The following ABR variants were observed in gnomAD, a reference collection of about 807,000 sequenced individuals.
ABR encodes the protein active breakpoint cluster region-related protein.
In ABR, 35 loss-of-function variants were observed where a neutral mutation model predicts 107.2. The observed-to-expected ratio is 0.33, with a 90% CI of 0.25 to 0.43. The LOEUF (loss-of-function observed/expected upper bound fraction) is 0.43, where lower values mean the gene tolerates loss of function less well. Among genes scored for constraint, ABR ranks in the 20% least tolerant of loss-of-function variants. ABR has a pLI of 1.00. For synonymous variants in ABR, 498 were observed against 462.0 expected (o/e 1.08, Z -1.00); for missense variants, 815 against 1,115.2 (o/e 0.73, Z 3.83).
At chr17:1,120,359 C>T (rs12949526) in intron 2 of ABR, among the ~76,000 whole-genome samples, 98,288 of 151,828 alleles carry the variant, frequency 0.65, 32,225 homozygotes, top group East Asian at 0.88. Context: ...GCAACCTCTG[C>T]CCCCACTGGG....
At chr17:1,182,776 C>T (rs1027309959), upstream of ABR, among the ~76,000 whole-genome samples, 22 of 152,166 alleles carry the variant, frequency 1.4e-4, no homozygotes, top group African/African-American at 5.1e-4. Flanking sequence ...TTAGAGACCA[C>T]CCTCTGGGAA....
intron 16 of ABR, among the ~76,000 whole-genome samples, chr17:1,045,812 AC>A (rs2031499229): frequency 6.6e-6 from 1 of 151,726 alleles, no homozygotes; most frequent in African/African-American, 2.4e-5. Flanking sequence ...GGAGGCCAGG[AC>A]CCCCTCCTGG....
In ABR at chr17:1,154,608, T is replaced by G. The variant is rs1055381570; in HGVS notation, c.61+25059A>C. 8.5e-5 allele frequency: 13 copies of G among 152,250 alleles called. No individual in the cohort carries two copies. Among genetic ancestry groups the G allele is most frequent in the African/African-American group, 3.1e-4 (13 of 41,366 alleles). 9.4% of individuals were successfully genotyped at this position (152,250 alleles called of 1,614,324 possible). On this transcript the variant is annotated intron_variant, in intron 1 of 22. Transcript: ENST00000302538. This position sits in a 1 kb window ranked among gnomAD's most constrained non-coding sequence, Gnocchi z 4.0. ...CAAGCATCCACATCCCCCAATTTCA[T>G]GGAACGAGCACACAGAAAGGATGGG...
chr17:1,064,584 G>A, intron 10 of ABR, among the ~76,000 whole-genome samples: 1 of 115,840 alleles, frequency 8.6e-6, no homozygotes, highest in Non-Finnish European at 1.8e-5. Flanking sequence ...AGACACTGCT[G>A]TTATGTGAAC....
chr17:1,096,954 G>A (rs1259074675), intron 3 of ABR, among the ~76,000 whole-genome samples: 1 of 150,430 alleles, frequency 6.6e-6, no homozygotes, highest in East Asian at 2.0e-4. Context: ...GCCCGGGGAG[G>A]AGAGAGCCGG....
In ABR at chr17:1,096,976, A is replaced by C. The variant is rs935509346; in HGVS notation, c.345+3661T>G. 3.3e-5 allele frequency among the ~76,000 whole-genome samples: 5 copies of C among 150,250 alleles called. No homozygotes were observed. The East Asian group carries it at 9.9e-4, about 30-fold the overall frequency. On this transcript the variant is annotated intron_variant, in intron 3 of 22. Coordinates refer to ENST00000302538, the MANE Select transcript of ABR (RefSeq NM_021962.5). ...GAGGAGAGAGCCGGGGAAGGGGGGA[A>C]CCTGCCCCGGGAGGAGACAGCTGGG...
At chr17:1,169,984 GTTTGTGTT>G (rs2041647202) in intron 1 of ABR, among the ~76,000 whole-genome samples, 2 of 127,428 alleles carry the variant, frequency 1.6e-5, no homozygotes, top group African/African-American at 3.2e-5. Context: ...GTGTGTTTGT[GTTTGTGTT>G]TGTGTGTGTG....
At chr17:1,055,111 C>A (rs574259767) in intron 14 of ABR, among the ~76,000 whole-genome samples, 1 of 152,292 alleles carries the variant, frequency 6.6e-6, no homozygotes, top group Non-Finnish European at 1.5e-5. Flanking sequence ...CAGCTCACGC[C>A]TGTAATCTCA....
intron 16 of ABR, among the ~76,000 whole-genome samples, chr17:1,020,678 T>A (rs1363883869): frequency 6.6e-6 from 1 of 152,248 alleles, no homozygotes; most frequent in South Asian, 2.1e-4. Flanking sequence ...GGGGCAGGAA[T>A]CAGCAAAGTG....
chr17:1,065,395 G>T (rs1427115417), intron 10 of ABR, among the ~76,000 whole-genome samples: 2 of 45,504 alleles, frequency 4.4e-5, no homozygotes, highest in African/African-American at 8.9e-5. Flanking sequence ...TCCTCTAGAC[G>T]CTGCTGTTAC....
intron 11 of ABR, 42 bp downstream of exon 11, chr17:1,058,703 T>C (rs1294900766): frequency 1.9e-6 from 3 of 1,608,392 alleles, no homozygotes; most frequent in Admixed American, 3.3e-5. Flanking sequence ...TGCTCTGGAC[T>C]AAGGAAGGGG....
intron 10 of ABR, among the ~76,000 whole-genome samples, chr17:1,066,283 T>C (rs1329895318): frequency 6.6e-6 from 1 of 152,214 alleles, no homozygotes; most frequent in Admixed American, 6.5e-5. Context: ...CTTAGTGGCC[T>C]ATTATAGGAT....
At chr17:1,061,455 T>A (rs933903734) in intron 10 of ABR, among the ~76,000 whole-genome samples, 19 of 152,216 alleles carry the variant, frequency 1.2e-4, no homozygotes, top group African/African-American at 3.9e-4. Flanking sequence ...TGATCTTGCT[T>A]TCCCCTGTTC....
At chr17:1,195,304 C>CAAAAAAA (rs564020208) in intron 1 of ABR, among the ~76,000 whole-genome samples, 8 of 87,634 alleles carry the variant, frequency 9.1e-5, no homozygotes, top group Admixed American at 3.0e-4. Flanking sequence ...GAGACTGTCT[C>CAAAAAAA]AAAAAAAAAA....
At chr17:1,164,567 CG>C (rs2041430038) in intron 1 of ABR, among the ~76,000 whole-genome samples, 1 of 150,548 alleles carries the variant, frequency 6.6e-6, no homozygotes, top group African/African-American at 2.4e-5. Flanking sequence ...GACAAGCTTT[CG>C]GTCTACAGAT....
chr17:1,119,258 C>T (rs182605624), intron 2 of ABR, among the ~76,000 whole-genome samples: 2 of 2,690 alleles, frequency 7.4e-4, no homozygotes, highest in African/African-American at 7.4e-4. Context: ...GCCTGAGTTC[C>T]TCCCAGCGTT....
intron 1 of ABR, among the ~76,000 whole-genome samples, chr17:1,145,844 G>A (rs1048232339): frequency 1.3e-5 from 2 of 152,184 alleles, no homozygotes; most frequent in African/African-American, 2.4e-5. Flanking sequence ...CGCCCAAGGC[G>A]TCCACTTGCA....
At position 1,083,735 on chromosome 17, in the gene ABR, C is replaced by T. The variant is rs187076945; in HGVS notation, c.532-108G>A. On this transcript the variant is annotated intron_variant, in intron 4 of 22. Transcript: ENST00000302538. The stretch of plus-strand genomic sequence containing the variant: ...CCGGGAGCTCCCCTGCACTGAAAAC[C>T]TCTCACTCAGCTCGTTGGGAACTTG... 1.6e-4 allele frequency: 141 copies of T among 884,116 alleles called. 2 individuals carry two copies. In the East Asian group the frequency reaches 3.4e-3, roughly 21 times the overall value. 54.8% of individuals were successfully genotyped at this position (884,116 alleles called of 1,614,324 possible).
chr17:1,048,907 C>G (rs1044601079), intron 16 of ABR, among the ~76,000 whole-genome samples: 1 of 152,238 alleles, frequency 6.6e-6, no homozygotes, highest in African/African-American at 2.4e-5. Context: ...GTTACCGTCT[C>G]CCTTCATTTC....
Sources: allele counts gnomAD v4.1 joint callset (sites outside exome capture counted in the v4.1 genomes callset), GRCh38; gene constraint gnomAD v4.1.1; non-coding constraint Gnocchi (gnomAD v3.1); transcripts MANE v1.5; gene names NCBI Gene and HGNC (gene_info 2026-07-23, HGNC 2026-07-21).